The following PLSCR3 variants were observed in gnomAD, a reference collection of about 807,000 sequenced individuals.
The protein encoded by PLSCR3 is PL scramblase 3.
PLSCR3 carries 17 observed loss-of-function variants against 33.7 expected under a neutral mutation model. That is an observed-to-expected ratio of 0.50 (90% CI 0.35 to 0.76). The LOEUF is 0.76. Among genes scored for constraint, PLSCR3 ranks in the 30% least tolerant of loss-of-function variants. The pLI is 0.01. For synonymous variants in PLSCR3, 166 were observed against 166.0 expected, an observed-to-expected ratio of 1.00 and a Z score of 0.00; for missense variants, 360 against 394.1, an observed-to-expected ratio of 0.91 and a Z score of 0.73.
rs1323977315 is a variant in PLSCR3 at position 7,391,354 on chromosome 17, G to A, written c.670-559C>T. 6.6e-6 allele frequency among the ~76,000 whole-genome samples: 1 copy of A among 152,250 alleles called. No homozygotes were observed. Among genetic ancestry groups the A allele is most frequent in the Non-Finnish European group, 1.5e-5 (1 of 68,036 alleles). The stretch of plus-strand genomic sequence containing the variant: ...GGGCCTTGCCCAGCACTGCATGAGA[G>A]CCTCATCTAGAGAGGGATACATGCC... On this transcript the variant is annotated intron_variant, in intron 6 of 7. Coordinates refer to ENST00000619711, the MANE Select transcript of PLSCR3 (RefSeq NM_020360.4). The surrounding 1 kb of genome is among the most constrained non-coding windows in gnomAD (Gnocchi z 4.1).
chr17:7,390,930 C>T (rs767668274), intron 6 of PLSCR3, 135 bp from the exon 7 acceptor site: 37 of 841,482 alleles, frequency 4.4e-5, no homozygotes, highest in African/African-American at 1.7e-4. Context: ...TAATGGTCAC[C>T]GAGTGATCGC....
Position 7,391,527 on chromosome 17 carries a change from T to A in PLSCR3, c.670-732A>T, listed in dbSNP as rs1022322393. Among the ~76,000 whole-genome samples, 6 of 152,212 alleles carry A rather than the reference T, an allele frequency of 3.9e-5. No homozygotes were observed. The highest frequency in any genetic ancestry group is 1.4e-4 in the African/African-American group (6 of 41,446). ...TCCTTTTCCTGTGCTCGTTCTCCAG[T>A]GATTAGAACTGCAGTGATTTCCTTT... On this transcript the variant is annotated intron_variant, in intron 6 of 7. Transcript: ENST00000619711. This position sits in a 1 kb window ranked among gnomAD's most constrained non-coding sequence, Gnocchi z 4.1.
At position 7,393,826 on chromosome 17, in the gene PLSCR3, G is replaced by T; in HGVS notation, c.18C>A (p.Pro6=). The change falls in exon 3 of 8, where the codon CCC becomes CCA. Residue 6 remains proline (P), a synonymous_variant. Transcript: ENST00000619711. ...GGGGCGAAGGGGCGTAGCCTTTGGG[G>T]GGCAAGTAGCCTGTAAAGCGGTGGG... MAGYL[P]PKGYAPSPPP... The T allele has an allele frequency of 6.7e-7, 1 of 1,494,092 alleles. No individual in the cohort carries two copies. The highest frequency in any genetic ancestry group is 8.9e-7 in the Non-Finnish European group (1 of 1,121,178). 92.6% of individuals were successfully genotyped at this position (1,494,092 alleles called of 1,614,324 possible).
At chr17:7,392,047 T>C (rs1905744560) in intron 6 of PLSCR3, among the ~76,000 whole-genome samples, 1 of 152,192 alleles carries the variant, frequency 6.6e-6, no homozygotes, top group Non-Finnish European at 1.5e-5. Flanking sequence ...TAGCCAGGCA[T>C]GGCGGCGCAT....
In PLSCR3 at chr17:7,394,303, G is replaced by C. The variant is rs970183925; in HGVS notation, c.-157-36C>G. On this transcript the variant is annotated intron_variant, in intron 1 of 7. Transcript: ENST00000619711. The surrounding 1 kb of genome is among the most constrained non-coding windows in gnomAD (Gnocchi z 5.3). ...GAGAAACCCAAGTGTCAGTGGGCGG[G>C]ACCGGGTACCTGGGACCCTGGATTC... The C allele has an allele frequency of 3.7e-6, 2 of 543,210 alleles. No individual in the cohort carries two copies. The highest frequency in any genetic ancestry group is 3.3e-6 in the Non-Finnish European group (1 of 304,004). The allele number at this position is 543,210 out of a possible 1,614,324, so 33.6% of individuals were successfully genotyped here. A position where few individuals can be genotyped will look rare whatever the true frequency, so the allele number is the denominator to read the frequency against.
chr17:7,390,538 T>C lies in PLSCR3; in HGVS notation c.831+96A>G, dbSNP rs553857643. ...GAACCTCAACCCCCACAACACCTAT[T>C]CCTGACTTTCCCCTAGCAAGAGGCC... On this transcript the variant is annotated intron_variant, in intron 7 of 7. Coordinates refer to ENST00000619711, the MANE Select transcript of PLSCR3 (RefSeq NM_020360.4). 3.2e-4 allele frequency: 511 copies of C among 1,572,996 alleles called. 1 individual carries two copies. In the African/African-American group the frequency reaches 6.0e-3, roughly 18 times the overall value.
intron 6 of PLSCR3, among the ~76,000 whole-genome samples, chr17:7,392,581 G>T (rs1184198135): frequency 6.6e-6 from 1 of 152,074 alleles, no homozygotes; most frequent in Non-Finnish European, 1.5e-5. Context: ...AATCAGCATT[G>T]CTCCTTAAGA....
Position 7,390,803 on chromosome 17 carries a change from C to CA in PLSCR3, c.670-9dup. ...TTCATCCCGAGTCTTCACCTGTCAT[C>CA]AGGGAGGGAGAAAGGACCCAGCTGA... On this transcript the variant is annotated splice_polypyrimidine_tract_variant and intron_variant, in intron 6 of 7. Transcript: ENST00000619711. The CA allele has an allele frequency of 6.2e-7, 1 of 1,613,810 alleles. No individual in the cohort carries two copies. The highest frequency in any genetic ancestry group is 8.5e-7 in the Non-Finnish European group (1 of 1,179,948).
chr17:7,392,791 C>A lies in PLSCR3; in HGVS notation c.669G>T (p.Glu223Asp). The A allele has an allele frequency of 6.2e-7, 1 of 1,613,852 alleles. No homozygotes were observed. The highest frequency in any genetic ancestry group is 8.5e-7 in the Non-Finnish European group (1 of 1,179,960). Residue 223 changes from glutamate (E) to aspartate (D), a missense_variant and splice_region_variant, in exon 6 of 8, where the codon GAG becomes GAT. Glu to Asp is a conservative substitution (Grantham distance 45). Transcript: ENST00000619711. ...TCGCGTDTNFEVKTRDESRSV... is the reference protein window; with the variant it reads ...TCGCGTDTNFDVKTRDESRSV... ...CAAGAGCCTCTAGTATTCCTGATACCTCAAAGTTGGTGTCTGTGCCACAGC... is the reference window on the plus strand; with the variant it reads ...CAAGAGCCTCTAGTATTCCTGATACATCAAAGTTGGTGTCTGTGCCACAGC...
rs1046971647 is a variant in PLSCR3, at chr17:7,390,008, G to A, written c.*377C>T. The A allele has an allele frequency of 2.2e-5, 4 of 183,042 alleles. No homozygotes were observed. The highest frequency in any genetic ancestry group is 3.4e-5 in the Non-Finnish European group (3 of 87,302). 11.3% of individuals were successfully genotyped at this position (183,042 alleles called of 1,614,324 possible). ...CGGGGGGGCGGTGGCTATATCCACC[G>A]TCTTTGGTGCAGCTTGCCCTTCCAC... On this transcript the variant is annotated 3_prime_UTR_variant, in exon 8 of 8. Coordinates refer to ENST00000619711, the MANE Select transcript of PLSCR3 (RefSeq NM_020360.4).
In PLSCR3 at chr17:7,391,405, T is replaced by C. The variant is rs992509913; in HGVS notation, c.670-610A>G. Among the ~76,000 whole-genome samples, 4 of 152,244 alleles carry C rather than the reference T, an allele frequency of 2.6e-5. No homozygotes were observed. The highest frequency in any genetic ancestry group is 9.6e-5 in the African/African-American group (4 of 41,460). ...TATCTACTGTGGAGAGAGGCAGCAG[T>C]AAGTAGCCTTTGAGGACCACAATTT... On this transcript the variant is annotated intron_variant, in intron 6 of 7. Coordinates refer to ENST00000619711, the MANE Select transcript of PLSCR3 (RefSeq NM_020360.4). The surrounding 1 kb of genome is among the most constrained non-coding windows in gnomAD (Gnocchi z 4.1).
chr17:7,392,765 C>T (rs779007432), intron 6 of PLSCR3, 26 bp downstream of exon 6: 1 of 1,611,032 alleles, frequency 6.2e-7, no homozygotes, highest in African/African-American at 1.3e-5. Flanking sequence ...TACGAAGGTC[C>T]CAAGAGCCTC....
chr17:7,392,680 T>A, intron 6 of PLSCR3, 111 bp downstream of exon 6: 1 of 1,001,500 alleles, frequency 1.0e-6, no homozygotes, highest in Non-Finnish European at 1.6e-6. Flanking sequence ...GGAGTCACAG[T>A]GGATTTGGAT....
chr17:7,394,306 C>CG lies in PLSCR3; in HGVS notation c.-157-40dup, dbSNP rs1906002615. On this transcript the variant is annotated intron_variant, in intron 1 of 7. Transcript: ENST00000619711. The surrounding 1 kb of genome is among the most constrained non-coding windows in gnomAD (Gnocchi z 5.3). Reference sequence around the variant, plus strand: ...AAACCCAAGTGTCAGTGGGCGGGACCGGGTACCTGGGACCCTGGATTCCCT... The same window carrying CG: ...AAACCCAAGTGTCAGTGGGCGGGACCGGGGTACCTGGGACCCTGGATTCCCT... 1.9e-6 allele frequency: 1 copy of CG among 535,016 alleles called. No individual in the cohort carries two copies. The highest frequency in any genetic ancestry group is 3.2e-5 in the Admixed American group (1 of 30,866). The allele number at this position is 535,016 out of a possible 1,614,324, so 33.1% of individuals were successfully genotyped here.
rs761206158 is a variant in PLSCR3 at position 7,394,120 on chromosome 17, G to T, written c.-10C>A. 2.5e-6 allele frequency: 4 copies of T among 1,613,378 alleles called. No homozygotes were observed. The highest frequency in any genetic ancestry group is 3.4e-6 in the Non-Finnish European group (4 of 1,179,576). On this transcript the variant is annotated 5_prime_UTR_variant, in exon 2 of 8. Coordinates refer to ENST00000619711, the MANE Select transcript of PLSCR3 (RefSeq NM_020360.4). The surrounding 1 kb of genome is among the most constrained non-coding windows in gnomAD (Gnocchi z 5.3). ...CGCACTTACCTGCCATGGGAGAAGGGCTGGGGTTTTCGAGATGATGGTGTC... is the reference window on the plus strand; with the variant it reads ...CGCACTTACCTGCCATGGGAGAAGGTCTGGGGTTTTCGAGATGATGGTGTC...
chr17:7,392,383 G>A (rs960710308), intron 6 of PLSCR3, among the ~76,000 whole-genome samples: 3 of 152,186 alleles, frequency 2.0e-5, no homozygotes, highest in Non-Finnish European at 4.4e-5. Context: ...GGGGCATTTG[G>A]ATTCTATTTT....
In PLSCR3 at chr17:7,392,899, C is replaced by G. The variant is rs1905835730; in HGVS notation, c.561G>C (p.Trp187Cys). 1 of 1,613,936 alleles carries G rather than the reference C, an allele frequency of 6.2e-7. No individual in the cohort carries two copies. Among genetic ancestry groups the G allele is most frequent in the African/African-American group, 1.3e-5 (1 of 74,918 alleles). ...GTTIGHVLQT[W>C]HPFLPKFSIQ... Reference sequence around the variant, plus strand: ...TGGAGAACTTGGGGAGGAAGGGATGCCAGGTCTGTAGCACGTGGCCAATGG... The same window carrying G: ...TGGAGAACTTGGGGAGGAAGGGATGGCAGGTCTGTAGCACGTGGCCAATGG... The change falls in exon 6 of 8, where the codon TGG becomes TGC. Residue 187 changes from tryptophan (W) to cysteine (C), a missense_variant. Coordinates refer to ENST00000619711, the MANE Select transcript of PLSCR3 (RefSeq NM_020360.4).
At position 7,391,808 on chromosome 17, in the gene PLSCR3, G is replaced by T. The variant is rs533074608; in HGVS notation, c.669+983C>A. Among the ~76,000 whole-genome samples, 2 of 152,258 alleles carry T rather than the reference G, an allele frequency of 1.3e-5. No individual in the cohort carries two copies. The highest frequency in any genetic ancestry group is 4.8e-5 in the African/African-American group (2 of 41,526). Reference sequence around the variant, plus strand: ...ATTTTTGCAAAGTAACCTTAGGTAGGGTACCTCATTAGAAGCGTTGGAAAG... The same window carrying T: ...ATTTTTGCAAAGTAACCTTAGGTAGTGTACCTCATTAGAAGCGTTGGAAAG... On this transcript the variant is annotated intron_variant, in intron 6 of 7. Coordinates refer to ENST00000619711, the MANE Select transcript of PLSCR3 (RefSeq NM_020360.4). The surrounding 1 kb of genome is among the most constrained non-coding windows in gnomAD (Gnocchi z 4.1).
At position 7,394,525 on chromosome 17, in the gene PLSCR3, G is replaced by T. The variant is rs1307354357; in HGVS notation, c.-206C>A. 2 of 164,270 alleles carry T rather than the reference G, an allele frequency of 1.2e-5. No individual in the cohort carries two copies. The highest frequency in any genetic ancestry group is 1.6e-4 in the East Asian group (1 of 6,158). 10.2% of individuals were successfully genotyped at this position (164,270 alleles called of 1,614,324 possible). A position where few individuals can be genotyped will look rare whatever the true frequency, so the allele number is the denominator to read the frequency against. ...GTGCCTAGCACTCGGCAGCTCACAG[G>T]AGCTGGCGGAGGCGGAGGCGGGCCC... On this transcript the variant is annotated 5_prime_UTR_variant, in exon 1 of 8. Coordinates refer to ENST00000619711, the MANE Select transcript of PLSCR3 (RefSeq NM_020360.4). This position sits in a 1 kb window ranked among gnomAD's most constrained non-coding sequence, Gnocchi z 5.3.
Sources: gnomAD v4.1 joint callset for allele counts (sites outside exome capture counted in the v4.1 genomes callset) on GRCh38, gnomAD v4.1.1 for gene constraint, Gnocchi (gnomAD v3.1) non-coding constraint, MANE v1.5 for transcripts, NCBI Gene and HGNC (gene_info 2026-07-23, HGNC 2026-07-21) for gene names.